CENPK: variants seen among roughly 807,000 people sequenced by gnomAD.
CENPK encodes SoxLZ/Sox6-binding protein Solt.
In CENPK, 46 loss-of-function variants were observed where a neutral mutation model predicts 40.9. The ratio of observed to expected loss-of-function variants is 1.13; its 90% confidence interval spans 0.89 to 1.44. The LOEUF is 1.44. CENPK is among the 40% of genes most tolerant of loss of function. CENPK has a pLI of 0.00. For missense variants in CENPK, 288 were observed against 303.5 expected (o/e 0.95, Z 0.38); for synonymous variants, 107 against 104.4 (o/e 1.02, Z -0.15).
At chr5:65,499,197 T>G in the CENPK span, among the ~76,000 whole-genome samples, 3 of 149,082 alleles carry the variant, frequency 2.0e-5, no homozygotes, top group Non-Finnish European at 3.0e-5. Context: ...TTAGCCTTCT[T>G]TTAGGGTAGG....
At chr5:65,503,613 T>C in the CENPK span, among the ~76,000 whole-genome samples, 1 of 152,112 alleles carries the variant, frequency 6.6e-6, no homozygotes, top group Non-Finnish European at 1.5e-5. Flanking sequence ...TAAAAATATT[T>C]AGAACTTTTT....
At chr5:65,547,881 G>T (rs1749301000) in intron 5 of CENPK, among the ~76,000 whole-genome samples, 1 of 152,118 alleles carries the variant, frequency 6.6e-6, no homozygotes, top group Non-Finnish European at 1.5e-5. Context: ...AGCCAGGATG[G>T]TCTCGATCTC....
chr5:65,549,810 T>C (rs1749652033), intron 5 of CENPK, among the ~76,000 whole-genome samples: 1 of 152,220 alleles, frequency 6.6e-6, no homozygotes, highest in Non-Finnish European at 1.5e-5. Context: ...TTTGATCATC[T>C]AAGTAGACTA....
intron 2 of CENPK, among the ~76,000 whole-genome samples, chr5:65,557,342 C>G (rs931115562): frequency 1.3e-5 from 2 of 152,012 alleles, no homozygotes; most frequent in Non-Finnish European, 2.9e-5. Flanking sequence ...AGTCTTTTTC[C>G]TCTCCCCCTG....
At chr5:65,506,349 C>CA in the CENPK span, among the ~76,000 whole-genome samples, 29,414 of 132,594 alleles carry the variant, frequency 0.22, 3,393 homozygotes, top group South Asian at 0.34. Context: ...GAACTTATCT[C>CA]AAAAAAAAAA....
downstream of CENPK, among the ~76,000 whole-genome samples, chr5:65,516,280 C>A (rs948208530): frequency 6.6e-6 from 1 of 152,294 alleles, no homozygotes; most frequent in African/African-American, 2.4e-5. Flanking sequence ...AGACAACTCA[C>A]ATTTAAACTG....
intron 7 of CENPK, 39 bp downstream of exon 7, chr5:65,529,074 TAATA>T (rs771237242): frequency 7.2e-6 from 11 of 1,537,410 alleles, no homozygotes; most frequent in Non-Finnish European, 8.9e-6. Context: ...AAATGTCACT[TAATA>T]TATATGAATG....
the CENPK span, among the ~76,000 whole-genome samples, chr5:65,504,402 G>A: frequency 6.9e-6 from 1 of 144,328 alleles, no homozygotes. Context: ...GGTTGCAGTG[G>A]GCCAAGATCG....
chr5:65,562,704 A>C (rs577795751), intron 1 of CENPK: 1 of 152,362 alleles, frequency 6.6e-6, no homozygotes, highest in East Asian at 1.9e-4. Flanking sequence ...CCTATACCAG[A>C]GAGAAGAAAG....
chr5:65,559,838 CAG>C (rs1448385837), intron 2 of CENPK, among the ~76,000 whole-genome samples: 2 of 151,808 alleles, frequency 1.3e-5, no homozygotes, highest in Non-Finnish European at 2.9e-5. Context: ...TGACACATGA[CAG>C]AGATGACAAG....
chr5:65,510,561 G>T, the CENPK span, among the ~76,000 whole-genome samples: 14 of 152,030 alleles, frequency 9.2e-5, no homozygotes, highest in African/African-American at 3.4e-4. Context: ...GATCACCTGA[G>T]GTCAGGAGTT....
At position 65,528,466 on chromosome 5, in the gene CENPK, C is replaced by A; in HGVS notation, c.583G>T (p.Val195Phe). 6.3e-7 allele frequency: 1 copy of A among 1,590,114 alleles called. No homozygotes were observed. The highest frequency in any genetic ancestry group is 8.5e-7 in the Non-Finnish European group (1 of 1,173,686). The change falls in exon 9 of 11, where the codon GTT becomes TTT. Residue 195 changes from valine to phenylalanine, a missense_variant. Coordinates refer to ENST00000396679, the MANE Select transcript of CENPK (RefSeq NM_022145.5). ...CTAAAACTTACCTTTTTCTTTTTAACACTTCTATCAGGCAGAGGAAAATGG... is the reference window on the plus strand; with the variant it reads ...CTAAAACTTACCTTTTTCTTTTTAAAACTTCTATCAGGCAGAGGAAAATGG... ...EDHFPLPDRSVKKKKKNIQES... is the reference protein window; with the variant it reads ...EDHFPLPDRSFKKKKKNIQES...
intron 6 of CENPK, among the ~76,000 whole-genome samples, chr5:65,537,004 T>C (rs899494206): frequency 2.6e-5 from 4 of 152,200 alleles, no homozygotes; most frequent in African/African-American, 9.6e-5. Flanking sequence ...TCCTGTCTCT[T>C]GTATTCACTT....
chr5:65,532,432 T>C (rs1269702321), intron 6 of CENPK, among the ~76,000 whole-genome samples: 1 of 152,108 alleles, frequency 6.6e-6, no homozygotes, highest in Non-Finnish European at 1.5e-5. Flanking sequence ...TATCAAAGCC[T>C]AACAAAGACA....
intron 5 of CENPK, among the ~76,000 whole-genome samples, chr5:65,546,498 T>G (rs901413996): frequency 6.6e-6 from 1 of 152,244 alleles, no homozygotes; most frequent in Admixed American, 6.5e-5. Context: ...GAGTTTGATA[T>G]TGCAGAGAAG....
At chr5:65,536,243 A>G (rs749425621) in intron 6 of CENPK, among the ~76,000 whole-genome samples, 6 of 152,074 alleles carry the variant, frequency 3.9e-5, no homozygotes, top group Non-Finnish European at 8.8e-5. Context: ...AAAGGGAAAA[A>G]TTTTGCTGGA....
At chr5:65,512,892 A>G (rs1266535467), downstream of CENPK, among the ~76,000 whole-genome samples, 1 of 152,182 alleles carries the variant, frequency 6.6e-6, no homozygotes, top group Admixed American at 6.5e-5. Flanking sequence ...GCACATAGTG[A>G]TATCTCATTA....
intron 6 of CENPK, among the ~76,000 whole-genome samples, chr5:65,541,042 TG>T (rs1346348466): frequency 1.3e-5 from 2 of 152,098 alleles, no homozygotes; most frequent in African/African-American, 4.8e-5. Context: ...AGGCTGGTCT[TG>T]AACACTTAGG....
In CENPK at chr5:65,518,434, A is replaced by C; in HGVS notation, c.*41T>G. ...AGTCCTGTGGTTCCAATATCCTTGA[A>C]TGATAAGAATTTTTACTGTGTGAAA... On this transcript the variant is annotated 3_prime_UTR_variant, in exon 11 of 11. Transcript: ENST00000396679. 1 of 1,575,918 alleles carries C rather than the reference A, an allele frequency of 6.3e-7. No individual in the cohort carries two copies. The highest frequency in any genetic ancestry group is 8.6e-7 in the Non-Finnish European group (1 of 1,159,930).
Sources: allele counts gnomAD v4.1 joint callset (sites outside exome capture counted in the v4.1 genomes callset), GRCh38; gene constraint gnomAD v4.1.1; transcripts MANE v1.5; gene names NCBI Gene and HGNC (gene_info 2026-07-23, HGNC 2026-07-21).